MICAL2: variants seen among roughly 807,000 people sequenced by gnomAD.
The protein encoded by MICAL2 is microtubule associated monooxygenase, calponin and LIM domain containing 2.
Under a neutral mutation model 127.3 loss-of-function variants are expected in MICAL2, and 77 were observed. The observed-to-expected ratio is 0.60, with a 90% confidence interval of 0.50 to 0.73. The LOEUF is 0.73. Among genes scored for constraint, MICAL2 ranks in the 30% least tolerant of loss-of-function variants. The pLI, the probability that MICAL2 is intolerant of heterozygous loss-of-function variation, is 0.00. For missense variants in MICAL2, 1,351 were observed against 1,434.4 expected, an observed-to-expected ratio of 0.94 and a Z score of 0.94; for synonymous variants, 570 against 551.1, an observed-to-expected ratio of 1.03 and a Z score of -0.48.
At chr11:12,163,764 CGTT>C (rs766784039) in intron 3 of MICAL2, 5 of 152,216 alleles carry the variant, frequency 3.3e-5, no homozygotes, top group Non-Finnish European at 5.9e-5. Flanking sequence ...CTCCCTTCCT[CGTT>C]GTTGTGACTT....
chr11:12,297,927 T>C (rs1156627579), intron 29 of MICAL2, among the ~76,000 whole-genome samples: 2 of 151,810 alleles, frequency 1.3e-5, no homozygotes, highest in African/African-American at 4.8e-5. Context: ...TTATATATTT[T>C]TTTATTTTAG....
At chr11:12,230,005 A>T (rs1484528675) in intron 15 of MICAL2, among the ~76,000 whole-genome samples, 1 of 152,200 alleles carries the variant, frequency 6.6e-6, no homozygotes, top group Non-Finnish European at 1.5e-5. Flanking sequence ...TCTCAGAGCG[A>T]TGGAGCACTT....
chr11:12,144,636 G>A lies in MICAL2; in HGVS notation c.-78+6176G>A, dbSNP rs551027906. Among the ~76,000 whole-genome samples the A allele has an allele frequency of 1.2e-4, 19 of 152,244 alleles. No homozygotes were observed. The South Asian group carries it at 3.3e-3, about 27-fold the overall frequency. ...AAATTGCAACGGTTCTGCAGCCTCC[G>A]AGCCATTACCAAGTAGGCAAATGTT... is the stretch of plus-strand genomic sequence containing the variant. On this transcript the variant is annotated intron_variant, in intron 2 of 27. Transcript: ENST00000683283.
intron 1 of MICAL2, among the ~76,000 whole-genome samples, chr11:12,136,828 C>A (rs1851877968): frequency 6.6e-6 from 1 of 152,140 alleles, no homozygotes; most frequent in Non-Finnish European, 1.5e-5. Context: ...TACCTGCCTC[C>A]AACCCACCAT....
At chr11:12,224,961 C>T (rs1413111583) in intron 13 of MICAL2, 141 bp downstream of exon 13, 1 of 1,095,446 alleles carries the variant, frequency 9.1e-7, no homozygotes, top group African/African-American at 1.6e-5. Context: ...GTTCTTTTCC[C>T]TTTGCACTGA....
chr11:12,323,433 TGAGA>T (rs138472124), intron 30 of MICAL2, among the ~76,000 whole-genome samples: 1 of 151,760 alleles, frequency 6.6e-6, no homozygotes, highest in African/African-American at 2.4e-5. Context: ...TTTCATGTAG[TGAGA>T]GAGAGAGAGT....
chr11:12,211,129 C>T (rs997641782), intron 6 of MICAL2, among the ~76,000 whole-genome samples: 2 of 152,192 alleles, frequency 1.3e-5, no homozygotes, highest in Admixed American at 1.3e-4. Flanking sequence ...CCTGTAATCC[C>T]AGCACTTTGG....
intron 1 of MICAL2, among the ~76,000 whole-genome samples, chr11:12,126,762 T>C (rs936995180): frequency 2.0e-5 from 3 of 151,110 alleles, no homozygotes; most frequent in African/African-American, 7.3e-5. Context: ...AGCTCAATCA[T>C]AGAAGAAAAA....
At chr11:12,343,021 C>G (rs114053303) in intron 32 of MICAL2, among the ~76,000 whole-genome samples, 1,657 of 152,192 alleles carry the variant, frequency 0.011, 20 homozygotes, top group African/African-American at 0.038. Context: ...CGTCCTGAAC[C>G]CAATACTTTG....
Position 12,180,335 on chromosome 11 carries a change from G to GTATATATATATATATATATA in MICAL2, c.264+17923_264+17924insATATATATATATATATATAT, listed in dbSNP as rs1554968135. The stretch of plus-strand genomic sequence containing the variant: ...AGACTCTTGCAGTGTTTATATACAT[G>GTATATATATATATATATATA]TATATATGTATATATTTTTTTTTTG... On this transcript the variant is annotated intron_variant, in intron 3 of 27. Transcript: ENST00000683283. Among the ~76,000 whole-genome samples, 75 of 126,396 alleles carry GTATATATATATATATATATA rather than the reference G, an allele frequency of 5.9e-4. No homozygotes were observed. The Middle Eastern group carries it at 0.012, about 19-fold the overall frequency. 82.9% of individuals were successfully genotyped at this position (126,396 alleles called of 152,430 possible).
chr11:12,186,191 CA>C (rs1354921981), intron 3 of MICAL2, among the ~76,000 whole-genome samples: 17 of 152,258 alleles, frequency 1.1e-4, no homozygotes, highest in African/African-American at 3.6e-4. Context: ...TTTTGGAAAA[CA>C]AACAAGATCT....
upstream of MICAL2, chr11:12,275,992 C>T (rs1165873483): frequency 2.5e-6 from 1 of 399,230 alleles, no homozygotes; most frequent in Non-Finnish European, 4.4e-6. Flanking sequence ...GCAGATGAGC[C>T]CACCTCCCCC....
intron 3 of MICAL2, among the ~76,000 whole-genome samples, chr11:12,197,289 T>C (rs1443074728): frequency 6.6e-6 from 1 of 152,240 alleles, no homozygotes; most frequent in African/African-American, 2.4e-5. Flanking sequence ...TCATTTAACC[T>C]TCCTGAGCTC....
chr11:12,170,814 T>C (rs1044629824), intron 3 of MICAL2, among the ~76,000 whole-genome samples: 1 of 152,216 alleles, frequency 6.6e-6, no homozygotes, highest in African/African-American at 2.4e-5. Flanking sequence ...GTGCCCCACA[T>C]TGATGGCTTT....
chr11:12,343,086 A>G (rs1172663319), intron 32 of MICAL2, among the ~76,000 whole-genome samples: 1 of 152,132 alleles, frequency 6.6e-6, no homozygotes, highest in East Asian at 1.9e-4. Context: ...AGATCCCCCA[A>G]AGTGCTTTTG....
At chr11:12,290,560 T>C (rs144246246), downstream of MICAL2, among the ~76,000 whole-genome samples, 425 of 152,264 alleles carry the variant, frequency 2.8e-3, no homozygotes, top group Admixed American at 6.0e-3. Context: ...AGGCAAGGAC[T>C]GACTCACAAC....
intron 29 of MICAL2, among the ~76,000 whole-genome samples, chr11:12,319,389 C>T (rs1247607149): frequency 6.6e-6 from 1 of 152,028 alleles, no homozygotes; most frequent in Non-Finnish European, 1.5e-5. Context: ...CTGAGCAACA[C>T]ACCATATAAA....
chr11:12,205,267 C>T (rs1332982515), intron 4 of MICAL2, among the ~76,000 whole-genome samples: 1 of 152,132 alleles, frequency 6.6e-6, no homozygotes, highest in Non-Finnish European at 1.5e-5. Context: ...GGAAAGGCAG[C>T]CTTCCTTCCT....
intron 3 of MICAL2, among the ~76,000 whole-genome samples, chr11:12,198,520 C>T (rs562870868): frequency 7.2e-5 from 11 of 152,262 alleles, no homozygotes; most frequent in African/African-American, 2.4e-4. Flanking sequence ...TTCTTATTCA[C>T]GGTAAACCAG....
Sources: gnomAD v4.1 joint callset for allele counts (sites outside exome capture counted in the v4.1 genomes callset) on GRCh38, gnomAD v4.1.1 for gene constraint, MANE v1.5 for transcripts, NCBI Gene and HGNC (gene_info 2026-07-23, HGNC 2026-07-21) for gene names.